HMCN1: variants seen among roughly 807,000 people sequenced by gnomAD.
The protein encoded by HMCN1 is hemicentin 1.
A neutral mutation model predicts 625.9 loss-of-function variants in HMCN1; 321 were observed. The ratio of observed to expected loss-of-function variants is 0.51; its 90% CI spans 0.47 to 0.56. HMCN1 has a LOEUF of 0.56. HMCN1 is among the 20% of genes least tolerant of loss of function. HMCN1 has a pLI of 0.00. For missense variants in HMCN1, 6,588 were observed against 6,887.3 expected, an observed-to-expected ratio of 0.96 and a Z score of 1.54; for synonymous variants, 2,425 against 2,417.6, an observed-to-expected ratio of 1.00 and a Z score of -0.09.
At position 186,152,739 on chromosome 1, in the gene HMCN1, G is replaced by A. The variant is rs1471838254; in HGVS notation, c.14897-11G>A. The A allele has an allele frequency of 5.6e-6, 9 of 1,613,470 alleles. No homozygotes were observed. The highest frequency in any genetic ancestry group is 7.6e-6 in the Non-Finnish European group (9 of 1,179,578). On this transcript the variant is annotated splice_polypyrimidine_tract_variant and intron_variant, in intron 95 of 106. Transcript: ENST00000271588. ...TTTTTGCTGTCAAAATGAATGTCTTGTAATTCCCAGGAGAAATCTTGCAGA... is the reference window on the plus strand; with the variant it reads ...TTTTTGCTGTCAAAATGAATGTCTTATAATTCCCAGGAGAAATCTTGCAGA...
chr1:185,844,375 T>C (rs929896457), intron 1 of HMCN1, among the ~76,000 whole-genome samples: 2 of 152,216 alleles, frequency 1.3e-5, no homozygotes, highest in Non-Finnish European at 2.9e-5. Context: ...AGGCATTTTT[T>C]CCTGTTATTT....
intron 4 of HMCN1, among the ~76,000 whole-genome samples, chr1:185,877,156 CTAAA>C (rs146323799): frequency 0.03 from 4,603 of 151,646 alleles, 250 homozygotes; most frequent in African/African-American, 0.11. Flanking sequence ...AGGACTATTA[CTAAA>C]TATTTATTTA....
At chr1:185,745,546 G>A (rs1443409823) in intron 1 of HMCN1, among the ~76,000 whole-genome samples, 1 of 152,188 alleles carries the variant, frequency 6.6e-6, no homozygotes, top group African/African-American at 2.4e-5. Context: ...GGTTCACCAG[G>A]CAGTTATATT....
In HMCN1 at chr1:186,087,535, G is replaced by A. The variant is rs377710966; in HGVS notation, c.9253G>A (p.Ala3085Thr). The change falls in exon 60 of 107, where the codon GCT (alanine) becomes ACT (threonine). Residue 3085 changes from alanine (A) to threonine (T), a missense_variant. This residue lies in a region of HMCN1 where 4,628 missense variants were observed against 4,853.1 expected (regional missense o/e 0.95). Transcript: ENST00000271588. Reference sequence around the variant, plus strand: ...TGTGTCTTTGGAGTGTGAGTCGAACGCTGTGCCACCTCCAGTCATCACTTG... The same window carrying A: ...TGTGTCTTTGGAGTGTGAGTCGAACACTGTGCCACCTCCAGTCATCACTTG... ...TSVSLECESN[A>T]VPPPVITWYK... 1.1e-5 allele frequency: 18 copies of A among 1,613,124 alleles called. No homozygotes were observed. Among genetic ancestry groups the A allele is most frequent in the Admixed American group, 6.7e-5 (4 of 59,882 alleles).
At chr1:185,805,506 C>A (rs1571378437) in intron 1 of HMCN1, among the ~76,000 whole-genome samples, 2 of 152,160 alleles carry the variant, frequency 1.3e-5, no homozygotes, top group East Asian at 3.9e-4. Context: ...TACTTCTGAG[C>A]TTTATGGGAA....
At chr1:186,103,915 G>A (rs567954207) in intron 69 of HMCN1, among the ~76,000 whole-genome samples, 54 of 152,216 alleles carry the variant, frequency 3.5e-4, no homozygotes, top group African/African-American at 1.3e-3. Flanking sequence ...TTTTCACAGT[G>A]CTATAAGTGT....
chr1:185,882,996 T>C (rs1664405479), intron 4 of HMCN1, among the ~76,000 whole-genome samples: 1 of 152,076 alleles, frequency 6.6e-6, no homozygotes, highest in Non-Finnish European at 1.5e-5. Context: ...TAGTGCCAGA[T>C]TGTGAGCTCC....
chr1:186,174,434 C>A, intron 102 of HMCN1, 80 bp from the exon 103 acceptor site: 1 of 1,547,754 alleles, frequency 6.5e-7, no homozygotes, highest in Non-Finnish European at 8.9e-7. Context: ...TTTGGCAATT[C>A]TACAGAATGC....
At chr1:186,142,474 G>A (rs1440219161) in intron 89 of HMCN1, among the ~76,000 whole-genome samples, 1 of 152,168 alleles carries the variant, frequency 6.6e-6, no homozygotes, top group Admixed American at 6.5e-5. Context: ...ACACACAGGT[G>A]CATATGTCTT....
At chr1:186,151,863 T>C (rs1650688487) in intron 95 of HMCN1, 120 bp downstream of exon 95, 4 of 1,039,892 alleles carry the variant, frequency 3.8e-6, no homozygotes, top group African/African-American at 1.6e-5. Flanking sequence ...ATCTTATAAG[T>C]GATATAAAAG....
chr1:185,887,141 A>C (rs1167401257), intron 4 of HMCN1, among the ~76,000 whole-genome samples: 3 of 151,972 alleles, frequency 2.0e-5, no homozygotes, highest in Admixed American at 6.6e-5. Flanking sequence ...GCAAGTGTCC[A>C]CCTGCCATGT....
chr1:185,989,144 A>C (rs771483613), intron 20 of HMCN1, among the ~76,000 whole-genome samples: 1 of 150,820 alleles, frequency 6.6e-6, no homozygotes, highest in African/African-American at 2.4e-5. Context: ...AGTAGCTGGG[A>C]CTACAGGTGC....
At chr1:185,809,728 A>G (rs1190632468) in intron 1 of HMCN1, among the ~76,000 whole-genome samples, 10 of 152,050 alleles carry the variant, frequency 6.6e-5, no homozygotes, top group Admixed American at 6.6e-4. Flanking sequence ...GGGATCAGTC[A>G]GGGAGGAGGT....
At position 185,852,445 on chromosome 1, in the gene HMCN1, G is replaced by A. The variant is rs576718913; in HGVS notation, c.339+6349G>A. Among the ~76,000 whole-genome samples the A allele has an allele frequency of 7.2e-5, 11 of 151,834 alleles. No homozygotes were observed. In the East Asian group the frequency reaches 2.1e-3, roughly 29 times the overall value. On this transcript the variant is annotated intron_variant, in intron 2 of 106. Coordinates refer to ENST00000271588, the MANE Select transcript of HMCN1 (RefSeq NM_031935.3). ...AGAAAAGGCATTATATGTCATCATG[G>A]ACATAGATATAATGTAGAGCTATCA...
chr1:185,862,672 T>C (rs959859587), intron 2 of HMCN1, among the ~76,000 whole-genome samples: 7 of 152,132 alleles, frequency 4.6e-5, no homozygotes, highest in African/African-American at 1.7e-4. Context: ...TGTTATTTGT[T>C]AAACTAAATG....
At chr1:186,045,900 T>C (rs1180599631) in intron 41 of HMCN1, 37 bp downstream of exon 41, 8 of 1,472,166 alleles carry the variant, frequency 5.4e-6, no homozygotes, top group Middle Eastern at 3.4e-4. Context: ...CCTTATGTTA[T>C]TAGAAGTTCA....
chr1:185,901,398 T>A (rs1470280822), intron 4 of HMCN1, among the ~76,000 whole-genome samples: 1 of 151,646 alleles, frequency 6.6e-6, no homozygotes, highest in Non-Finnish European at 1.5e-5. Flanking sequence ...AAATGAGGGG[T>A]GATGGACATA....
chr1:185,763,244 G>A (rs558882621), intron 1 of HMCN1, among the ~76,000 whole-genome samples: 19 of 152,130 alleles, frequency 1.2e-4, no homozygotes, highest in African/African-American at 4.1e-4. Flanking sequence ...AACAACACTG[G>A]GACCACCAGA....
At chr1:185,791,106 C>T (rs1657960436) in intron 1 of HMCN1, among the ~76,000 whole-genome samples, 1 of 152,072 alleles carries the variant, frequency 6.6e-6, no homozygotes, top group South Asian at 2.1e-4. Flanking sequence ...TCTGTAGACT[C>T]CTAGGTGTCA....
Sources: gnomAD v4.1 joint callset for allele counts (sites outside exome capture counted in the v4.1 genomes callset) on GRCh38, gnomAD v4.1.1 for gene constraint, gnomAD v4.1.1 regional missense constraint, MANE v1.5 for transcripts, NCBI Gene and HGNC (gene_info 2026-07-23, HGNC 2026-07-21) for gene names.